The following MSI2 variants were observed in gnomAD, a reference collection of about 807,000 sequenced individuals.
MSI2 encodes RNA-binding protein Musashi homolog 2.
In MSI2, 17 loss-of-function variants were observed where a neutral mutation model predicts 45.6. That is an observed-to-expected ratio of 0.37 (90% CI 0.26 to 0.56). MSI2 has a LOEUF of 0.56. Among genes scored for constraint, MSI2 ranks in the 20% least tolerant of loss-of-function variants. The pLI is 0.77. For synonymous variants in MSI2, 156 were observed against 158.2 expected (o/e 0.99, Z 0.11); for missense variants, 293 against 444.2 (o/e 0.66, Z 3.06).
In MSI2 at chr17:57,628,856, C is replaced by G. The variant is rs77974934; in HGVS notation, c.727+1553C>G. On this transcript the variant is annotated intron_variant, in intron 10 of 13. Coordinates refer to ENST00000284073, the MANE Select transcript of MSI2 (RefSeq NM_138962.4). ...TTCAGGATGGCCACAGGCTCCCAGA[C>G]CTGAAGAAAAGAAGGGCACATGCAA... 1.3e-3 allele frequency: 192 copies of G among 152,854 alleles called. 4 individuals are homozygous for G. In the East Asian group the frequency reaches 0.035, roughly 28 times the overall value. 9.5% of individuals were successfully genotyped at this position (152,854 alleles called of 1,614,324 possible).
rs554034404 is a variant in MSI2, at chr17:57,441,750, G to C, written c.405+40279G>C. On this transcript the variant is annotated intron_variant, in intron 6 of 13. Transcript: ENST00000284073. ...ATGCATGTAATTTCAGCCTCATAAG[G>C]GACATTATGTAGATTAATTGCCATA... 1.5e-4 allele frequency among the ~76,000 whole-genome samples: 23 copies of C among 152,178 alleles called. 1 individual carries two copies. The South Asian group carries it at 4.6e-3, about 30-fold the overall frequency.
At chr17:57,436,178 A>G (rs1424479393) in intron 6 of MSI2, among the ~76,000 whole-genome samples, 2 of 152,212 alleles carry the variant, frequency 1.3e-5, no homozygotes, top group Non-Finnish European at 2.9e-5. Context: ...CTGGGGATGA[A>G]TACAGGCGTG....
intron 6 of MSI2, among the ~76,000 whole-genome samples, chr17:57,480,039 G>A (rs558661327): frequency 4.6e-5 from 7 of 152,198 alleles, no homozygotes; most frequent in East Asian, 1.9e-4. Flanking sequence ...GTGCAGTGGC[G>A]CAGTCTCAGC....
chr17:57,528,119 A>G (rs2086744087), intron 6 of MSI2, among the ~76,000 whole-genome samples: 1 of 146,204 alleles, frequency 6.8e-6, no homozygotes, highest in African/African-American at 2.5e-5. Context: ...AGCCACACGG[A>G]CTGGGTTGTA....
chr17:57,259,346 G>C (rs1463161900), intron 4 of MSI2, among the ~76,000 whole-genome samples: 3 of 152,214 alleles, frequency 2.0e-5, no homozygotes, highest in Non-Finnish European at 4.4e-5. Flanking sequence ...CGCCTCTTAT[G>C]AAAGTGAGCA....
intron 6 of MSI2, among the ~76,000 whole-genome samples, chr17:57,474,653 A>G (rs1475319804): frequency 2.0e-5 from 3 of 152,066 alleles, no homozygotes; most frequent in Admixed American, 6.6e-5. Context: ...TGCCTGCCCC[A>G]TGCTGTTACT....
At chr17:57,278,515 C>T (rs1909092003) in intron 5 of MSI2, 3 of 152,258 alleles carry the variant, frequency 2.0e-5, no homozygotes, top group Non-Finnish European at 2.9e-5. Context: ...AATTTAAAAG[C>T]CTTGCTTGAC....
At chr17:57,344,367 G>A (rs936255602) in intron 5 of MSI2, among the ~76,000 whole-genome samples, 2 of 152,208 alleles carry the variant, frequency 1.3e-5, no homozygotes, top group Admixed American at 1.3e-4. Flanking sequence ...TGGCCAGTGG[G>A]AGGCCCTTCA....
At position 57,494,697 on chromosome 17, in the gene MSI2, C is replaced by G. The variant is rs142654060; in HGVS notation, c.406-34979C>G. Among the ~76,000 whole-genome samples the G allele has an allele frequency of 7.0e-4, 106 of 152,052 alleles. No homozygotes were observed. In the East Asian group the frequency reaches 9.7e-3, roughly 14 times the overall value. ...TGAAGTAGGTACCTGCCTCTTTTTT[C>G]CTCAGTTGAGGAACTGAGGCTCAGT... On this transcript the variant is annotated intron_variant, in intron 6 of 13. Coordinates refer to ENST00000284073, the MANE Select transcript of MSI2 (RefSeq NM_138962.4).
rs1465240491 is a variant in MSI2 at position 57,627,661 on chromosome 17, C to T, written c.727+358C>T. 3.2e-6 allele frequency: 1 copy of T among 308,568 alleles called. No individual in the cohort carries two copies. The highest frequency in any genetic ancestry group is 2.2e-5 in the African/African-American group (1 of 45,878). The allele number at this position is 308,568 out of a possible 1,614,324, so 19.1% of individuals were successfully genotyped here. On this transcript the variant is annotated intron_variant, in intron 10 of 13. Transcript: ENST00000284073. The surrounding 1 kb of genome is among the most constrained non-coding windows in gnomAD (Gnocchi z 4.6). ...GGGCTTTCTTTCACCCTCTACCACCCCTTGCCCGCCTCCCCGCTCCCTGTG... is the reference window on the plus strand; with the variant it reads ...GGGCTTTCTTTCACCCTCTACCACCTCTTGCCCGCCTCCCCGCTCCCTGTG...
Position 57,476,225 on chromosome 17 carries a change from A to G in MSI2, c.406-53451A>G, listed in dbSNP as rs114284930. Among the ~76,000 whole-genome samples the G allele has an allele frequency of 4.2e-3, 633 of 152,190 alleles. 2 individuals carry two copies. The highest frequency in any genetic ancestry group is 0.014 in the African/African-American group (601 of 41,542). ...CTCCCTCTGGTTAATAGCCTTGTAT[A>G]TTTCCTGGGGGTCTCTGAGCAGAAG... is the stretch of plus-strand genomic sequence containing the variant. On this transcript the variant is annotated intron_variant, in intron 6 of 13. Transcript: ENST00000284073.
chr17:57,659,584 C>T (rs1457218381), intron 11 of MSI2, among the ~76,000 whole-genome samples: 2 of 152,144 alleles, frequency 1.3e-5, no homozygotes, highest in Non-Finnish European at 2.9e-5. Context: ...TACCGGAGAG[C>T]AAGGCTTTGG....
intron 7 of MSI2, among the ~76,000 whole-genome samples, chr17:57,591,389 G>A (rs1264069518): frequency 1.3e-5 from 2 of 152,234 alleles, no homozygotes; most frequent in East Asian, 1.9e-4. Flanking sequence ...AGGACATAGA[G>A]TGTATGATGC....
intron 5 of MSI2, among the ~76,000 whole-genome samples, chr17:57,362,158 C>T (rs1459323456): frequency 1.3e-5 from 2 of 152,164 alleles, no homozygotes; most frequent in Non-Finnish European, 2.9e-5. Flanking sequence ...TGGGCAGTAT[C>T]TTTGTAAACA....
intron 6 of MSI2, chr17:57,522,106 G>T: frequency 6.6e-6 from 1 of 152,296 alleles, no homozygotes; most frequent in Non-Finnish European, 1.5e-5. Context: ...CCAGGCAGCG[G>T]CTGTCTCCAC....
chr17:57,604,326 T>C (rs759840573), intron 8 of MSI2, among the ~76,000 whole-genome samples: 6 of 152,180 alleles, frequency 3.9e-5, no homozygotes, highest in African/African-American at 1.4e-4. Flanking sequence ...TTGTCATCAT[T>C]CTTAGAATTA....
rs1168388007 is a variant in MSI2 at position 57,433,378 on chromosome 17, C to T, written c.405+31907C>T. 2.0e-5 allele frequency among the ~76,000 whole-genome samples: 3 copies of T among 152,108 alleles called. No individual in the cohort carries two copies. In the East Asian group the frequency reaches 5.8e-4, roughly 29 times the overall value. On this transcript the variant is annotated intron_variant, in intron 6 of 13. Coordinates refer to ENST00000284073, the MANE Select transcript of MSI2 (RefSeq NM_138962.4). ...AAGATCTGAAGTCGAACCCAGGACACACATGGGGAGAAGACCCCGTGAACA... is the reference window on the plus strand; with the variant it reads ...AAGATCTGAAGTCGAACCCAGGACATACATGGGGAGAAGACCCCGTGAACA...
At chr17:57,288,115 T>C (rs930874221) in intron 5 of MSI2, among the ~76,000 whole-genome samples, 2 of 152,348 alleles carry the variant, frequency 1.3e-5, no homozygotes, top group Non-Finnish European at 2.9e-5. Flanking sequence ...ATCCTGGCTA[T>C]GTGACCTGGC....
At chr17:57,507,225 CTGTGTGTGTGTGTGTG>C (rs71140002) in intron 6 of MSI2, among the ~76,000 whole-genome samples, 15,667 of 51,210 alleles carry the variant, frequency 0.31, 1,691 homozygotes, top group Middle Eastern at 0.41. Context: ...CTTTGTCTCT[CTGTGTGTGTGTGTGTG>C]TGTGTGTGTG....
Sources: gnomAD v4.1 joint callset for allele counts (sites outside exome capture counted in the v4.1 genomes callset) on GRCh38, gnomAD v4.1.1 for gene constraint, Gnocchi (gnomAD v3.1) non-coding constraint, MANE v1.5 for transcripts, NCBI Gene and HGNC (gene_info 2026-07-23, HGNC 2026-07-21) for gene names.